The following MYOF variants were observed in gnomAD, a reference collection of about 807,000 sequenced individuals.
MYOF encodes the protein fer-1-like 3, myoferlin.
In MYOF, 244 loss-of-function variants were observed where a neutral mutation model predicts 284.2. That is an observed-to-expected ratio of 0.86 (90% CI 0.77 to 0.95). The LOEUF (loss-of-function observed/expected upper bound fraction) is 0.95, where lower values mean the gene tolerates loss of function less well. Among genes scored for constraint, MYOF ranks in the 40% least tolerant of loss-of-function variants. The probability of loss-of-function intolerance (pLI) is 0.00; values close to 1 mark genes in which losing one functional copy is unlikely to be tolerated. For missense variants in MYOF, 2,496 were observed against 2,560.6 expected, an observed-to-expected ratio of 0.97 and a Z score of 0.54; for synonymous variants, 904 against 919.7, an observed-to-expected ratio of 0.98 and a Z score of 0.31.
chr10:93,322,261 G>A (rs1589384399), intron 48 of MYOF, among the ~76,000 whole-genome samples: 1 of 152,182 alleles, frequency 6.6e-6, no homozygotes, highest in Non-Finnish European at 1.5e-5. Flanking sequence ...TATCTTTCAT[G>A]TATCAAGGAA....
At chr10:93,444,812 C>T (rs1348031962) in intron 3 of MYOF, among the ~76,000 whole-genome samples, 2 of 152,222 alleles carry the variant, frequency 1.3e-5, no homozygotes, top group Non-Finnish European at 2.9e-5. Flanking sequence ...TCTACATGTA[C>T]AGGTTCTTGA....
At chr10:93,362,862 C>A (rs1181904281) in intron 27 of MYOF, among the ~76,000 whole-genome samples, 1 of 152,034 alleles carries the variant, frequency 6.6e-6, no homozygotes, top group East Asian at 1.9e-4. Flanking sequence ...ATTTATAAAA[C>A]CTTTTTGAAG....
chr10:93,350,564 T>C (rs1034539082), intron 35 of MYOF, among the ~76,000 whole-genome samples: 15 of 152,158 alleles, frequency 9.9e-5, no homozygotes, highest in African/African-American at 3.6e-4. Context: ...CCACCTGCCT[T>C]GGCCTCCCAA....
chr10:93,336,077 C>A lies in MYOF; in HGVS notation c.4438-31G>T. The A allele has an allele frequency of 6.2e-7, 1 of 1,605,390 alleles. No individual in the cohort carries two copies. Among genetic ancestry groups the A allele is most frequent in the East Asian group, 2.2e-5 (1 of 44,782 alleles). ...AACCACCAACAGAGTCTTAATTTCT[C>A]ATTAAAATGCAGGTAAGGTCTAAAA... On this transcript the variant is annotated intron_variant, in intron 40 of 53. Coordinates refer to ENST00000359263, the MANE Select transcript of MYOF (RefSeq NM_013451.4).
At chr10:93,402,118 G>T (rs760917381) in intron 11 of MYOF, 114 bp downstream of exon 11, 2 of 754,510 alleles carry the variant, frequency 2.7e-6, no homozygotes, top group Non-Finnish European at 4.6e-6. Flanking sequence ...GGGGGAATCT[G>T]AGGGTATTGA....
At chr10:93,394,448 C>CTCTTTTTTTTTTTTTTT (rs1846871495) in intron 16 of MYOF, among the ~76,000 whole-genome samples, 13 of 28,698 alleles carry the variant, frequency 4.5e-4, no homozygotes, top group Non-Finnish European at 6.5e-4. Context: ...ACCATCTTGT[C>CTCTTTTTTTTTTTTTTT]TTTTTTTTTT....
intron 43 of MYOF, 85 bp downstream of exon 43, chr10:93,333,136 G>A: frequency 9.0e-7 from 1 of 1,109,164 alleles, no homozygotes; most frequent in Non-Finnish European, 1.4e-6. Context: ...TCAGAGCCTA[G>A]GACAGGGTTG....
intron 37 of MYOF, among the ~76,000 whole-genome samples, chr10:93,344,726 TAAAAAAAA>T (rs3081452): frequency 1.3e-5 from 1 of 76,228 alleles, no homozygotes; most frequent in Non-Finnish European, 2.6e-5. Flanking sequence ...GAACTTAAAT[TAAAAAAAA>T]AAAAAAAAAA....
chr10:93,418,818 C>G (rs1848241526), intron 5 of MYOF, among the ~76,000 whole-genome samples: 1 of 152,182 alleles, frequency 6.6e-6, no homozygotes, highest in South Asian at 2.1e-4. Context: ...TGTTGAGAAC[C>G]ACTTGTTTAT....
intron 50 of MYOF, among the ~76,000 whole-genome samples, chr10:93,314,828 T>A (rs114178057): frequency 0.013 from 1,966 of 152,206 alleles, 45 homozygotes; most frequent in African/African-American, 0.045. Flanking sequence ...GTGGGCAGAT[T>A]ACTTGAGCTC....
intron 4 of MYOF, among the ~76,000 whole-genome samples, chr10:93,426,407 C>A (rs1564708994): frequency 1.3e-5 from 2 of 152,106 alleles, no homozygotes; most frequent in African/African-American, 4.8e-5. Flanking sequence ...TAAGGGGCCA[C>A]CTCATCAACA....
intron 1 of MYOF, among the ~76,000 whole-genome samples, chr10:93,460,539 G>A (rs974925188): frequency 1.3e-5 from 2 of 152,150 alleles, no homozygotes; most frequent in South Asian, 4.1e-4. Context: ...CAAGGCGGGT[G>A]GACTGCCTGA....
chr10:93,384,261 G>A (rs2134013247), intron 19 of MYOF, among the ~76,000 whole-genome samples: 1 of 152,310 alleles, frequency 6.6e-6, no homozygotes, highest in Admixed American at 6.5e-5. Flanking sequence ...GGCACAAAGA[G>A]GTAGAGAGAG....
At chr10:93,322,867 C>G (rs1842898865) in intron 48 of MYOF, among the ~76,000 whole-genome samples, 1 of 152,164 alleles carries the variant, frequency 6.6e-6, no homozygotes, top group African/African-American at 2.4e-5. Context: ...TTCTTATAAT[C>G]CTTATATAGC....
At position 93,321,484 on chromosome 10, in the gene MYOF, G is replaced by A. The variant is rs189723690; in HGVS notation, c.5457-1471C>T. On this transcript the variant is annotated intron_variant, in intron 48 of 53. Coordinates refer to ENST00000359263, the MANE Select transcript of MYOF (RefSeq NM_013451.4). ...CTGCCCAGCCTGGACTTCAAACTACGGGGCTCAAGTGATCCTCCTGCCTCA... is the reference window on the plus strand; with the variant it reads ...CTGCCCAGCCTGGACTTCAAACTACAGGGCTCAAGTGATCCTCCTGCCTCA... Among the ~76,000 whole-genome samples the A allele has an allele frequency of 5.9e-4, 87 of 147,440 alleles. 1 individual carries two copies. The highest frequency in any genetic ancestry group is 9.6e-4 in the Non-Finnish European group (65 of 67,526).
intron 24 of MYOF, 22 bp downstream of exon 24, chr10:93,372,908 A>G (rs1845655460): frequency 6.2e-7 from 1 of 1,613,828 alleles, no homozygotes; most frequent in Non-Finnish European, 8.5e-7. Flanking sequence ...TGTGTTTCAC[A>G]TGACACAGTG....
intron 53 of MYOF, among the ~76,000 whole-genome samples, chr10:93,308,227 A>AG (rs1480826032): frequency 7.6e-6 from 1 of 131,164 alleles, no homozygotes; most frequent in African/African-American, 2.7e-5. Flanking sequence ...TGGGTGACAG[A>AG]GCAAAACCCC....
chr10:93,420,858 A>G (rs1259202067), intron 5 of MYOF, among the ~76,000 whole-genome samples: 5 of 152,238 alleles, frequency 3.3e-5, no homozygotes, highest in Non-Finnish European at 2.9e-5. Context: ...TTGAAAATAT[A>G]TAAATCAGAA....
chr10:93,385,510 G>A lies in MYOF; in HGVS notation c.1698+2287C>T, dbSNP rs1034343941. On this transcript the variant is annotated intron_variant, in intron 19 of 53. Coordinates refer to ENST00000359263, the MANE Select transcript of MYOF (RefSeq NM_013451.4). ...CAGAGGACCTTTGCAAGACAGACAA[G>A]GGTCATGAGCATGTTTGTAGGTTGA... is the stretch of plus-strand genomic sequence containing the variant. 2.0e-5 allele frequency among the ~76,000 whole-genome samples: 3 copies of A among 152,322 alleles called. No homozygotes were observed. The South Asian group carries it at 6.2e-4, about 32-fold the overall frequency.
Sources: allele counts gnomAD v4.1 joint callset (sites outside exome capture counted in the v4.1 genomes callset), GRCh38; gene constraint gnomAD v4.1.1; transcripts MANE v1.5; gene names NCBI Gene and HGNC (gene_info 2026-07-23, HGNC 2026-07-21).